SOX5: variants seen among roughly 807,000 people sequenced by gnomAD.
SOX5 encodes the protein SRY-box transcription factor 5.
Under a neutral mutation model 92.0 loss-of-function variants are expected in SOX5, and 9 were observed. The ratio of observed to expected loss-of-function variants is 0.10; its 90% CI spans 0.06 to 0.17. SOX5 has a LOEUF of 0.17. SOX5 is among the 10% of genes least tolerant of loss of function. The probability of loss-of-function intolerance (pLI) is 1.00; values close to 1 mark genes in which losing one functional copy is unlikely to be tolerated. For synonymous variants in SOX5, 344 were observed against 336.3 expected, an observed-to-expected ratio of 1.02 and a Z score of -0.25; for missense variants, 642 against 944.5, an observed-to-expected ratio of 0.68 and a Z score of 4.20.
intron 4 of SOX5, among the ~76,000 whole-genome samples, chr12:24,114,614 CTT>C (rs1947781729): frequency 9.0e-6 from 1 of 110,612 alleles, no homozygotes; most frequent in Non-Finnish European, 1.9e-5. Flanking sequence ...AATTAACAGA[CTT>C]GAAAAAAATA....
At chr12:24,441,760 T>C (rs753183408) in intron 1 of SOX5, among the ~76,000 whole-genome samples, 2 of 150,804 alleles carry the variant, frequency 1.3e-5, no homozygotes, top group African/African-American at 4.8e-5. Context: ...ATTTTATGCA[T>C]TGTTAACTTT....
chr12:24,150,602 C>A (rs1233183011), intron 4 of SOX5, among the ~76,000 whole-genome samples: 1 of 152,018 alleles, frequency 6.6e-6, no homozygotes, highest in East Asian at 1.9e-4. Flanking sequence ...AGATAATCAT[C>A]ATTTAAGGCA....
At chr12:24,462,788 G>A (rs1486703471) in intron 1 of SOX5, among the ~76,000 whole-genome samples, 36 of 152,276 alleles carry the variant, frequency 2.4e-4, no homozygotes, top group Non-Finnish European at 5.9e-5. Flanking sequence ...TTACATTTAT[G>A]AATGCTGAAT....
At chr12:23,785,484 T>C (rs2095362282) in intron 3 of SOX5, among the ~76,000 whole-genome samples, 1 of 152,230 alleles carries the variant, frequency 6.6e-6, no homozygotes. Flanking sequence ...GCCTAAATCA[T>C]TTCAAATAGT....
At chr12:23,864,481 G>A (rs2096790572) in intron 2 of SOX5, among the ~76,000 whole-genome samples, 1 of 152,142 alleles carries the variant, frequency 6.6e-6, no homozygotes. Context: ...AGTTAGCCAA[G>A]TTATGGATGC....
At chr12:24,486,341 C>T (rs1219261706) in intron 1 of SOX5, among the ~76,000 whole-genome samples, 1 of 152,138 alleles carries the variant, frequency 6.6e-6, no homozygotes, top group Non-Finnish European at 1.5e-5. Context: ...TCTTCTCTAC[C>T]ATCCCACCAA....
chr12:23,653,904 T>TC (rs1365471491), intron 7 of SOX5, among the ~76,000 whole-genome samples: 1 of 152,102 alleles, frequency 6.6e-6, no homozygotes. Context: ...AAATCCCTAG[T>TC]CCCTAGCACA....
chr12:23,917,818 A>G (rs74505421), intron 1 of SOX5, among the ~76,000 whole-genome samples: 1,678 of 152,230 alleles, frequency 0.011, 31 homozygotes, highest in African/African-American at 0.037. Flanking sequence ...TTATTATATT[A>G]TATATTGTGA....
intron 1 of SOX5, among the ~76,000 whole-genome samples, chr12:24,392,516 G>A (rs750089722): frequency 6.6e-6 from 1 of 151,978 alleles, no homozygotes; most frequent in Non-Finnish European, 1.5e-5. Flanking sequence ...ATCTTCACAT[G>A]ACTTGTTTCT....
chr12:24,225,218 T>C (rs1961617894), intron 3 of SOX5, among the ~76,000 whole-genome samples: 1 of 152,280 alleles, frequency 6.6e-6, no homozygotes, highest in East Asian at 1.9e-4. Context: ...TTTGAGAACA[T>C]GAATCTCTAG....
At chr12:24,143,917 A>G (rs1306390680) in intron 4 of SOX5, among the ~76,000 whole-genome samples, 2 of 152,018 alleles carry the variant, frequency 1.3e-5, no homozygotes, top group Non-Finnish European at 2.9e-5. Flanking sequence ...AATAATAATA[A>G]TGACTATATT....
At chr12:24,339,164 CA>C (rs1952279633) in intron 2 of SOX5, among the ~76,000 whole-genome samples, 13 of 1,358 alleles carry the variant, frequency 9.6e-3, no homozygotes, top group South Asian at 0.028. Flanking sequence ...CTCTCTCTGC[CA>C]CACACACACA....
upstream of SOX5, chr12:23,949,747 TCTCTCC>T (rs1945252994): frequency 3.2e-6 from 3 of 938,270 alleles, no homozygotes; most frequent in East Asian, 5.9e-5. Context: ...TCTCTCTCTC[TCTCTCC>T]CTCTCTCTCT....
At chr12:24,459,600 A>G (rs1943398060) in intron 1 of SOX5, among the ~76,000 whole-genome samples, 1 of 152,280 alleles carries the variant, frequency 6.6e-6, no homozygotes, top group African/African-American at 2.4e-5. Context: ...TCCTGGAGAC[A>G]TTAAGAATCA....
intron 1 of SOX5, among the ~76,000 whole-genome samples, chr12:24,490,491 C>T (rs1946948498): frequency 6.6e-6 from 1 of 152,092 alleles, no homozygotes; most frequent in Admixed American, 6.6e-5. Context: ...ACCGTTAGTA[C>T]CATGCAAGCA....
intron 2 of SOX5, among the ~76,000 whole-genome samples, chr12:23,884,577 C>T (rs1393040526): frequency 1.3e-5 from 2 of 152,136 alleles, no homozygotes; most frequent in African/African-American, 4.8e-5. Flanking sequence ...GCCTCCCCCA[C>T]AAGTATTTCT....
intron 13 of SOX5, among the ~76,000 whole-genome samples, chr12:23,540,716 A>G (rs1027982849): frequency 3.3e-5 from 5 of 152,210 alleles, no homozygotes; most frequent in Non-Finnish European, 7.3e-5. Flanking sequence ...TTTCAGCAGA[A>G]TGGCTTATTA....
chr12:23,860,820 C>G (rs1438418904), intron 2 of SOX5, among the ~76,000 whole-genome samples: 1 of 152,112 alleles, frequency 6.6e-6, no homozygotes. Flanking sequence ...GCCAAGCCCT[C>G]TTCACCTATG....
At chr12:24,214,161 G>A (rs1220337057) in intron 3 of SOX5, among the ~76,000 whole-genome samples, 1 of 151,982 alleles carries the variant, frequency 6.6e-6, no homozygotes, top group Non-Finnish European at 1.5e-5. Context: ...AGGACACTAA[G>A]TTATAGAAGA....
Sources: allele counts gnomAD v4.1 joint callset (sites outside exome capture counted in the v4.1 genomes callset), GRCh38; gene constraint gnomAD v4.1.1; transcripts MANE v1.5; gene names NCBI Gene and HGNC (gene_info 2026-07-23, HGNC 2026-07-21).